The following MIR2052HG variants were observed in gnomAD, a reference collection of about 807,000 sequenced individuals.
MIR2052HG encodes the protein MIR2052 host gene.
intron 1 of MIR2052HG, chr8:74,604,089 C>G (rs1176391811): frequency 2.2e-6 from 2 of 929,018 alleles, no homozygotes. Context: ...CAGGACAATT[C>G]CCTTCTGAGA....
chr8:74,612,888 G>C (rs1808220125), exon 2 of MIR2052HG: 1 of 456,104 alleles, frequency 2.2e-6, no homozygotes, highest in Non-Finnish European at 4.4e-6. Context: ...GACAAAGGTG[G>C]CAGCTTTGGA....
chr8:74,684,850 A>G (rs147882863), intron 2 of MIR2052HG, among the ~76,000 whole-genome samples: 2 of 152,238 alleles, frequency 1.3e-5, no homozygotes, highest in East Asian at 3.9e-4. Context: ...TTCTCCAGCT[A>G]TGCTGACAAT....
intron 2 of MIR2052HG, among the ~76,000 whole-genome samples, chr8:74,620,097 G>C (rs985310578): frequency 1.3e-5 from 2 of 152,234 alleles, no homozygotes; most frequent in Non-Finnish European, 2.9e-5. Flanking sequence ...CAATAGAGCA[G>C]TCATTAAACC....
intron 2 of MIR2052HG, among the ~76,000 whole-genome samples, chr8:74,675,530 C>T (rs1377586409): frequency 6.6e-6 from 1 of 151,814 alleles, no homozygotes; most frequent in Non-Finnish European, 1.5e-5. Flanking sequence ...TGGAACCAAT[C>T]CCTGAAGATA....
intron 4 of MIR2052HG, among the ~76,000 whole-genome samples, chr8:74,717,368 G>A (rs112962994): frequency 6.6e-6 from 1 of 152,030 alleles, no homozygotes; most frequent in African/African-American, 2.4e-5. Context: ...AGTATTCCAT[G>A]GTATATATGT....
At chr8:74,616,917 C>G (rs1006186878) in intron 2 of MIR2052HG, among the ~76,000 whole-genome samples, 1 of 151,782 alleles carries the variant, frequency 6.6e-6, no homozygotes, top group Non-Finnish European at 1.5e-5. Flanking sequence ...ATGCCACATG[C>G]CAGCTCTGTT....
chr8:74,612,611 A>G (rs1247199082), intron 1 of MIR2052HG: 1 of 284,992 alleles, frequency 3.5e-6, no homozygotes, highest in Non-Finnish European at 6.9e-6. Context: ...TCATTTGGCT[A>G]GCCATAGAAG....
rs11987163 is a variant in MIR2052HG, at chr8:74,608,179, G to A, written n.129-4674G>A. Among the ~76,000 whole-genome samples the A allele has an allele frequency of 2.3e-3, 355 of 152,050 alleles. 2 individuals are homozygous for A. Among genetic ancestry groups the A allele is most frequent in the African/African-American group, 7.8e-3 (322 of 41,352 alleles). On this transcript the variant is annotated intron_variant and non_coding_transcript_variant, in intron 1 of 6. Coordinates refer to ENST00000523442, the Ensembl canonical transcript of MIR2052HG. Reference sequence around the variant, plus strand: ...CTGTTAACTCTTGGATCACCTTTTCGGTGGGTGAGAGTTCTGCTCTAGAGC... The same window carrying A: ...CTGTTAACTCTTGGATCACCTTTTCAGTGGGTGAGAGTTCTGCTCTAGAGC...
intron 4 of MIR2052HG, among the ~76,000 whole-genome samples, chr8:74,749,083 TAATC>T (rs1291145565): frequency 6.6e-6 from 1 of 152,214 alleles, no homozygotes. Flanking sequence ...ATTTTTATAA[TAATC>T]AATGTATCTG....
chr8:74,732,285 C>G (rs772245868), intron 4 of MIR2052HG, among the ~76,000 whole-genome samples: 35 of 152,046 alleles, frequency 2.3e-4, no homozygotes, highest in Non-Finnish European at 1.8e-4. Context: ...AGGTTATAAG[C>G]AAATACTACA....
intron 4 of MIR2052HG, among the ~76,000 whole-genome samples, chr8:74,725,516 C>T (rs977388515): frequency 2.6e-5 from 4 of 152,184 alleles, no homozygotes; most frequent in South Asian, 4.2e-4. Context: ...ACCTCTTCAA[C>T]TCAGGTGCTT....
At chr8:74,715,740 A>G (rs11996498) in intron 4 of MIR2052HG, among the ~76,000 whole-genome samples, 1,799 of 152,316 alleles carry the variant, frequency 0.012, 50 homozygotes, top group East Asian at 0.065. Context: ...AGAGCCCCAT[A>G]AAAGCAATTT....
chr8:74,623,592 A>G (rs1010096166), intron 2 of MIR2052HG, among the ~76,000 whole-genome samples: 1 of 152,236 alleles, frequency 6.6e-6, no homozygotes, highest in Non-Finnish European at 1.5e-5. Context: ...GGACTTTTTA[A>G]ATGGCACATC....
chr8:74,709,812 T>G (rs2128741643), intron 4 of MIR2052HG, among the ~76,000 whole-genome samples: 1 of 152,290 alleles, frequency 6.6e-6, no homozygotes, highest in East Asian at 1.9e-4. Flanking sequence ...TTTCTGAAGC[T>G]TCTAGTCTGT....
At chr8:74,689,788 T>C (rs1168863512) in intron 2 of MIR2052HG, among the ~76,000 whole-genome samples, 2 of 152,246 alleles carry the variant, frequency 1.3e-5, no homozygotes, top group African/African-American at 4.8e-5. Flanking sequence ...AACGCTATGA[T>C]TTATTCATTC....
In MIR2052HG at chr8:74,661,462, C is replaced by T. The variant is rs144168086; in HGVS notation, n.217-40917C>T. On this transcript the variant is annotated intron_variant and non_coding_transcript_variant, in intron 2 of 6. Transcript: ENST00000523442. ...CTGATCCGCCCACCTCAGTCTCCCA[C>T]AGTGCTGGGATTACAGGCGTGAGTC... is the stretch of plus-strand genomic sequence containing the variant. Among the ~76,000 whole-genome samples, 812 of 152,184 alleles carry T rather than the reference C, an allele frequency of 5.3e-3. 5 individuals are homozygous for T. Among genetic ancestry groups the T allele is most frequent in the Middle Eastern group, 0.01 (3 of 292 alleles).
intron 4 of MIR2052HG, among the ~76,000 whole-genome samples, chr8:74,714,257 A>G (rs762616993): frequency 5.9e-5 from 9 of 152,288 alleles, no homozygotes; most frequent in South Asian, 2.1e-4. Flanking sequence ...GTGGCACTGT[A>G]TTGATATGAG....
At chr8:74,684,366 A>G (rs191851901) in intron 2 of MIR2052HG, among the ~76,000 whole-genome samples, 2 of 152,228 alleles carry the variant, frequency 1.3e-5, no homozygotes, top group Non-Finnish European at 2.9e-5. Flanking sequence ...AAACATATGT[A>G]TGGCCTTTAC....
intron 4 of MIR2052HG, among the ~76,000 whole-genome samples, chr8:74,739,603 C>T (rs1277690280): frequency 6.6e-6 from 1 of 151,960 alleles, no homozygotes; most frequent in Non-Finnish European, 1.5e-5. Flanking sequence ...GTAGTAATGT[C>T]TTCACTGATT....
Sources: gnomAD v4.1 joint callset for allele counts (sites outside exome capture counted in the v4.1 genomes callset) on GRCh38, gnomAD v4.1.1 for gene constraint, MANE v1.5 for transcripts, NCBI Gene and HGNC (gene_info 2026-07-23, HGNC 2026-07-21) for gene names.